Variants in NXT2 observed in about 807,000 individuals in gnomAD.
NXT2 encodes NTF2-related export protein 2.
Under a neutral mutation model 9.6 loss-of-function variants are expected in NXT2, and 1 was observed. The ratio of observed to expected loss-of-function variants is 0.10; its 90% CI spans 0.04 to 0.49. The LOEUF (loss-of-function observed/expected upper bound fraction) is 0.49, where lower values mean the gene tolerates loss of function less well. NXT2 is among the 20% of genes least tolerant of loss of function. The pLI is 0.95. For missense variants in NXT2, 48 were observed against 100.3 expected (o/e 0.48, Z 2.23); for synonymous variants, 22 against 35.4 (o/e 0.62, Z 1.34).
chrX:109,541,707 T>C, intron 3 of NXT2, 88 bp downstream of exon 3: 1 of 738,386 alleles, frequency 1.4e-6, no homozygotes, highest in Non-Finnish European at 1.9e-6. Flanking sequence ...AAACTTTTAG[T>C]GGTAGAACTA....
Position 109,536,898 on chromosome X carries a change from C to G in NXT2, c.-109C>G, listed in dbSNP as rs1217805234. On this transcript the variant is annotated 5_prime_UTR_variant, in exon 1 of 4. Transcript: ENST00000372106. ...AGGGTGGAAAATTTTGTGCGTTTGG[C>G]GGGTTTCGCTCTCTTCATAAGTATT... 1 of 1,193,097 alleles carries G rather than the reference C, an allele frequency of 8.4e-7. No homozygotes were observed. The highest frequency in any genetic ancestry group is 1.1e-6 in the Non-Finnish European group (1 of 885,637).
intron 2 of NXT2, among the ~76,000 whole-genome samples, chrX:109,540,169 T>C (rs1307363313): frequency 1.8e-5 from 2 of 111,380 alleles, no homozygotes; most frequent in African/African-American, 3.3e-5. Context: ...TGTACTGATA[T>C]TTGATGTCAG....
At chrX:109,538,935 C>A (rs1180014183) in intron 2 of NXT2, among the ~76,000 whole-genome samples, 2 of 111,171 alleles carry the variant, frequency 1.8e-5, no homozygotes, top group Non-Finnish European at 3.8e-5. Flanking sequence ...AGGTTTGTTA[C>A]ATAGGTATAC....
intron 2 of NXT2, among the ~76,000 whole-genome samples, chrX:109,540,788 T>G (rs1412165108): frequency 9.0e-6 from 1 of 111,718 alleles, no homozygotes; most frequent in Non-Finnish European, 1.9e-5. Context: ...CTAAGTACAC[T>G]AATAGAGTAG....
In NXT2 at chrX:109,538,069, G is replaced by T; in HGVS notation, c.40G>T (p.Ala14Ser). 8.3e-7 allele frequency: 1 copy of T among 1,198,873 alleles called. No individual in the cohort carries two copies. Among genetic ancestry groups the T allele is most frequent in the Non-Finnish European group, 1.1e-6 (1 of 884,118 alleles). The change falls in exon 2 of 4, where the codon GCA becomes TCA. Residue 14 changes from alanine (A) to serine (S), a missense_variant. Ala to Ser is a moderately conservative substitution (Grantham distance 99). Coordinates refer to ENST00000372106, the MANE Select transcript of NXT2 (RefSeq NM_001242617.2). ...SLDFKTYVDQ[A>S]CRAAEEFVNI... ...GGATTTTAAAACTTATGTAGATCAG[G>T]CATGTAGAGCTGCTGAGGAGTTTGT...
chrX:109,537,439 C>A (rs763269130), intron 1 of NXT2: 19 of 684,864 alleles, frequency 2.8e-5, no homozygotes, highest in Non-Finnish European at 3.3e-5. Context: ...CCGGCACGAA[C>A]GCCAACAGCG....
upstream of NXT2, chrX:109,535,947 A>G (rs777419792): frequency 1.1e-5 from 13 of 1,202,740 alleles, no homozygotes; most frequent in South Asian, 1.2e-4. Flanking sequence ...AGAAGTAACT[A>G]TTATGAGGGG....
intron 2 of NXT2, among the ~76,000 whole-genome samples, chrX:109,540,388 C>T (rs753824259): frequency 1.8e-5 from 2 of 109,486 alleles, no homozygotes; most frequent in South Asian, 3.9e-4. Context: ...AGTGCAGTGG[C>T]GCGATCTTGG....
In NXT2 at chrX:109,541,508, T is replaced by C; in HGVS notation, c.136T>C (p.Leu46=). 8.3e-7 allele frequency: 1 copy of C among 1,208,470 alleles called. No individual in the cohort carries two copies. Among genetic ancestry groups the C allele is most frequent in the Non-Finnish European group, 1.1e-6 (1 of 892,856 alleles). Residue 46 remains leucine, a synonymous_variant, in exon 3 of 4, where the codon TTA becomes CTA. Coordinates refer to ENST00000372106, the MANE Select transcript of NXT2 (RefSeq NM_001242617.2). ...CAGGCTGTATCTGGACAAGGCCACC[T>C]TAATATGGAATGGAAATGCTGTTTC... is the stretch of plus-strand genomic sequence containing the variant. ...LTRLYLDKAT[L]IWNGNAVSGL...
chrX:109,540,833 C>T (rs1737103983), intron 2 of NXT2, among the ~76,000 whole-genome samples: 1 of 111,521 alleles, frequency 9.0e-6, no homozygotes, highest in Admixed American at 9.6e-5. Context: ...ATGCCTGTAA[C>T]CCCAGCTACT....
intron 2 of NXT2, among the ~76,000 whole-genome samples, chrX:109,540,715 G>C (rs751429152): frequency 2.9e-4 from 32 of 112,067 alleles, no homozygotes; most frequent in Non-Finnish European, 5.3e-4. Context: ...TGCCTCATTT[G>C]GGCCTTAACT....
upstream of NXT2, among the ~76,000 whole-genome samples, chrX:109,536,278 A>C (rs1933271699): frequency 8.9e-6 from 1 of 112,745 alleles, no homozygotes; most frequent in African/African-American, 3.2e-5. Flanking sequence ...TATTGTTAGA[A>C]TACCTTGCAG....
chrX:109,536,872 G>A lies in NXT2; in HGVS notation c.-135G>A, dbSNP rs1220089385. The A allele has an allele frequency of 3.4e-6, 4 of 1,175,395 alleles. No individual in the cohort carries two copies. In the African/African-American group the frequency reaches 5.3e-5, roughly 16 times the overall value. On this transcript the variant is annotated 5_prime_UTR_variant, in exon 1 of 4. Transcript: ENST00000372106. ...CCGAGCTACTTCCGGGAGAGAATGG[G>A]AGGGTGGAAAATTTTGTGCGTTTGG...
rs1392138287 is a variant in NXT2 at position 109,544,129 on chromosome X, A to G, written c.*1441A>G. ...TAGGTTCAGCTTTTGCTTAAACATTAAATATCTTTTCCATTTTTTAATGTT... is the reference window on the plus strand; with the variant it reads ...TAGGTTCAGCTTTTGCTTAAACATTGAATATCTTTTCCATTTTTTAATGTT... On this transcript the variant is annotated 3_prime_UTR_variant, in exon 4 of 4. Coordinates refer to ENST00000372106, the MANE Select transcript of NXT2 (RefSeq NM_001242617.2). The G allele has an allele frequency of 2.7e-5, 3 of 112,696 alleles. No homozygotes were observed. The highest frequency in any genetic ancestry group is 6.4e-5 in the African/African-American group (2 of 31,018). The allele number at this position is 112,696 out of a possible 1,213,427, so 9.3% of individuals were successfully genotyped here. A position where few individuals can be genotyped will look rare whatever the true frequency, so the allele number is the denominator to read the frequency against.
intron 3 of NXT2, among the ~76,000 whole-genome samples, chrX:109,542,266 T>G (rs1933435217): frequency 9.0e-6 from 1 of 111,526 alleles, no homozygotes; most frequent in Non-Finnish European, 1.9e-5. Flanking sequence ...AGATATAAGC[T>G]CCTCATTTTG....
rs1247827707 is a variant in NXT2 at position 109,543,456 on chromosome X, AAT to A, written c.*769_*770del. The A allele has an allele frequency of 1.8e-5, 2 of 111,810 alleles. No individual in the cohort carries two copies. Among genetic ancestry groups the A allele is most frequent in the Non-Finnish European group, 3.8e-5 (2 of 52,996 alleles). 9.2% of individuals were successfully genotyped at this position (111,810 alleles called of 1,213,427 possible). A position where few individuals can be genotyped will look rare whatever the true frequency, so the allele number is the denominator to read the frequency against. Reference sequence around the variant, plus strand: ...AGGAGAATAGGGAATGAGAAATAGAAATCCAAGGCTGAAGCCAAAAGTAAGGA... The same window carrying A: ...AGGAGAATAGGGAATGAGAAATAGAACCAAGGCTGAAGCCAAAAGTAAGGA... On this transcript the variant is annotated 3_prime_UTR_variant, in exon 4 of 4. Coordinates refer to ENST00000372106, the MANE Select transcript of NXT2 (RefSeq NM_001242617.2).
chrX:109,539,580 A>G (rs1163848812), intron 2 of NXT2, among the ~76,000 whole-genome samples: 1 of 108,409 alleles, frequency 9.2e-6, no homozygotes, highest in Non-Finnish European at 1.9e-5. Flanking sequence ...CTGGCGTGAG[A>G]TGGTATCTCA....
chrX:109,538,377 A>G (rs1282792163), intron 2 of NXT2, among the ~76,000 whole-genome samples: 1 of 111,506 alleles, frequency 9.0e-6, no homozygotes, highest in Non-Finnish European at 1.9e-5. Context: ...CCTTAACCTC[A>G]TTTTATTTTC....
chrX:109,541,832 T>C (rs767534868), intron 3 of NXT2, among the ~76,000 whole-genome samples: 7 of 112,426 alleles, frequency 6.2e-5, no homozygotes, highest in Admixed American at 9.5e-5. Context: ...GATTTTGGCT[T>C]ATTAAAAGTT....
Sources: allele counts gnomAD v4.1 joint callset (sites outside exome capture counted in the v4.1 genomes callset), GRCh38; gene constraint gnomAD v4.1.1; transcripts MANE v1.5; gene names NCBI Gene and HGNC (gene_info 2026-07-23, HGNC 2026-07-21).